Variants in ZNF26 observed in about 807,000 individuals in gnomAD.
ZNF26 encodes the protein zinc finger protein 26, also known as epididymis luminal protein 179.
A neutral mutation model predicts 54.9 loss-of-function variants in ZNF26; 32 were observed. The ratio of observed to expected loss-of-function variants is 0.58; its 90% CI spans 0.44 to 0.78. The LOEUF (loss-of-function observed/expected upper bound fraction) is 0.78, where lower values mean the gene tolerates loss of function less well. ZNF26 is among the 30% of genes least tolerant of loss of function. ZNF26 has a pLI of 0.00. For missense variants in ZNF26, 524 were observed against 634.0 expected, an observed-to-expected ratio of 0.83 and a Z score of 1.86; for synonymous variants, 221 against 209.2, an observed-to-expected ratio of 1.06 and a Z score of -0.49.
In ZNF26 at chr12:133,026,783, TC is replaced by T. The variant is rs1953711235; in HGVS notation, c.*15305del. The T allele has an allele frequency of 6.6e-6, 1 of 152,144 alleles. No individual in the cohort carries two copies. Among genetic ancestry groups the T allele is most frequent in the African/African-American group, 2.4e-5 (1 of 41,418 alleles). 9.4% of individuals were successfully genotyped at this position (152,144 alleles called of 1,614,324 possible). ...CTCAGGTGATCTGCCCGCCTTGGCC[TC>T]CCAAAGTGCTGGGATTACAGGCATG... is the stretch of plus-strand genomic sequence containing the variant. On this transcript the variant is annotated 3_prime_UTR_variant, in exon 4 of 4. Coordinates refer to ENST00000328654, the MANE Select transcript of ZNF26 (RefSeq NM_019591.4).
At position 133,010,763 on chromosome 12, in the gene ZNF26, T is replaced by C; in HGVS notation, c.884T>C (p.Phe295Ser). 1.2e-6 allele frequency: 2 copies of C among 1,613,592 alleles called. No homozygotes were observed. Among genetic ancestry groups the C allele is most frequent in the Non-Finnish European group, 1.7e-6 (2 of 1,179,668 alleles). The change falls in exon 4 of 4, where the codon TTT becomes TCT. Residue 295 changes from phenylalanine (F) to serine (S), a missense_variant. Physicochemically the swap from Phe to Ser is radical, Grantham distance 155. Coordinates refer to ENST00000328654, the MANE Select transcript of ZNF26 (RefSeq NM_019591.4). ...PYECSECGKA[F>S]SLKSPFVVHQ... is the part of the protein sequence containing the mutation. ...GAATGCAGCGAATGTGGGAAAGCCT[T>C]TAGTTTGAAGTCTCCATTCGTTGTA...
In ZNF26 at chr12:133,007,086, T is replaced by C; in HGVS notation, c.78T>C (p.Asp26=). 6.2e-7 allele frequency: 1 copy of C among 1,614,112 alleles called. No individual in the cohort carries two copies. Among genetic ancestry groups the C allele is most frequent in the Non-Finnish European group, 8.5e-7 (1 of 1,179,986 alleles). Residue 26 remains aspartate, a synonymous_variant, in exon 2 of 4, where the codon GAT becomes GAC. Coordinates refer to ENST00000328654, the MANE Select transcript of ZNF26 (RefSeq NM_019591.4). The part of the protein sequence containing the change: ...FKDISMEFTW[D]EWQLLDSTQK... ...ATATATCTATGGAGTTCACCTGGGA[T>C]GAATGGCAGCTACTGGATTCTACAC...
intron 1 of ZNF26, chr12:133,004,953 A>G (rs1404548479): frequency 1.3e-5 from 2 of 152,040 alleles, no homozygotes; most frequent in African/African-American, 4.8e-5. Flanking sequence ...GTTGGTTATC[A>G]GGTGTTCTCT....
intron 1 of ZNF26, 73 bp from the exon 2 acceptor site, chr12:133,006,969 C>T (rs947269080): frequency 1.6e-5 from 25 of 1,529,950 alleles, no homozygotes; most frequent in African/African-American, 4.1e-5. Context: ...TTATCCCTTC[C>T]CAGTTCCTCT....
rs1246668075 is a variant in ZNF26 at position 133,002,957 on chromosome 12, A to C, written c.34-4085A>C. 3.3e-5 allele frequency among the ~76,000 whole-genome samples: 5 copies of C among 152,080 alleles called. No individual in the cohort carries two copies. The East Asian group carries it at 9.7e-4, about 30-fold the overall frequency. ...GTTAAGAGTACCTAGCACCCCTGGC[A>C]TGTTAGGTAGTCATGTGTTGGCTGA... On this transcript the variant is annotated intron_variant, in intron 1 of 3. Coordinates refer to ENST00000328654, the MANE Select transcript of ZNF26 (RefSeq NM_019591.4).
Position 133,011,496 on chromosome 12 carries a change from GCA to G in ZNF26, c.*16_*17del. 1.3e-6 allele frequency: 2 copies of G among 1,524,052 alleles called. No homozygotes were observed. Among genetic ancestry groups the G allele is most frequent in the East Asian group, 4.5e-5 (2 of 44,102 alleles). The allele number at this position is 1,524,052 out of a possible 1,614,324, so 94.4% of individuals were successfully genotyped here. A position where few individuals can be genotyped will look rare whatever the true frequency, so the allele number is the denominator to read the frequency against. Reference sequence around the variant, plus strand: ...CTCATAAATGAGAAATCAGAATGATGCAATGTGAGAAACTGATGTTCAGGAGA... The same window carrying G: ...CTCATAAATGAGAAATCAGAATGATGATGTGAGAAACTGATGTTCAGGAGA... On this transcript the variant is annotated 3_prime_UTR_variant, in exon 4 of 4. Coordinates refer to ENST00000328654, the MANE Select transcript of ZNF26 (RefSeq NM_019591.4).
At chr12:133,000,118 G>C (rs1953178183) in intron 1 of ZNF26, among the ~76,000 whole-genome samples, 2 of 151,920 alleles carry the variant, frequency 1.3e-5, no homozygotes, top group South Asian at 4.2e-4. Flanking sequence ...ATAATCTCTT[G>C]TGAAATTTTA....
At position 133,010,218 on chromosome 12, in the gene ZNF26, A is replaced by T; in HGVS notation, c.339A>T (p.Arg113Ser). Reference sequence around the variant, plus strand: ...GCTATGCTTGTAGTGTGTTGGGAAGACTTAATCTGAGCAAAACCCATGATT... The same window carrying T: ...GCTATGCTTGTAGTGTGTTGGGAAGTCTTAATCTGAGCAAAACCCATGATT... ...ERSYACSVLGRLNLSKTHDSS... is the reference protein window; with the variant it reads ...ERSYACSVLGSLNLSKTHDSS... The change falls in exon 4 of 4, where the codon AGA becomes AGT. Residue 113 changes from arginine (R) to serine (S), a missense_variant. Transcript: ENST00000328654. 6.2e-7 allele frequency: 1 copy of T among 1,614,090 alleles called. No homozygotes were observed. The highest frequency in any genetic ancestry group is 8.5e-7 in the Non-Finnish European group (1 of 1,179,998).
intron 1 of ZNF26, among the ~76,000 whole-genome samples, chr12:132,999,241 C>T (rs888349918): frequency 8.5e-4 from 130 of 152,300 alleles, no homozygotes; most frequent in Non-Finnish European, 1.2e-4. Flanking sequence ...TCAGCCGATT[C>T]TCTTAGTTTT....
Position 133,011,568 on chromosome 12 carries a change from T to TC in ZNF26, c.*87_*88insC. 7 of 1,357,558 alleles carry TC rather than the reference T, an allele frequency of 5.2e-6. No homozygotes were observed. In the South Asian group the frequency reaches 8.9e-5, roughly 17 times the overall value. 84.1% of individuals were successfully genotyped at this position (1,357,558 alleles called of 1,614,324 possible). A position where few individuals can be genotyped will look rare whatever the true frequency, so the allele number is the denominator to read the frequency against. On this transcript the variant is annotated 3_prime_UTR_variant, in exon 4 of 4. Transcript: ENST00000328654. ...GATTTACAAGCAGGAGGCCCTAAAA[T>TC]TACACTCATGTCAAAAATCAGAGAG...
rs1054723826 is a variant in ZNF26 at position 133,015,843 on chromosome 12, A to C, written c.*4362A>C. The C allele has an allele frequency of 2.6e-5, 4 of 152,224 alleles. No homozygotes were observed. Among genetic ancestry groups the C allele is most frequent in the African/African-American group, 9.6e-5 (4 of 41,464 alleles). 9.4% of individuals were successfully genotyped at this position (152,224 alleles called of 1,614,324 possible). ...TGAGACAGTTGGAAATATTACTTCT[A>C]CTGGCAAATAAAAGTGCTTCAAGCA... is the stretch of plus-strand genomic sequence containing the variant. On this transcript the variant is annotated 3_prime_UTR_variant, in exon 4 of 4. Transcript: ENST00000328654.
At chr12:132,997,951 G>A (rs931458613) in intron 1 of ZNF26, among the ~76,000 whole-genome samples, 3 of 152,090 alleles carry the variant, frequency 2.0e-5, no homozygotes, top group African/African-American at 4.8e-5. Flanking sequence ...CAAATTATAG[G>A]CAAATAATAA....
At position 133,017,255 on chromosome 12, in the gene ZNF26, T is replaced by C. The variant is rs1271950072; in HGVS notation, c.*5774T>C. The C allele has an allele frequency of 6.6e-6, 1 of 152,172 alleles. No individual in the cohort carries two copies. Among genetic ancestry groups the C allele is most frequent in the Non-Finnish European group, 1.5e-5 (1 of 68,036 alleles). 9.4% of individuals were successfully genotyped at this position (152,172 alleles called of 1,614,324 possible). ...CTGATTATCCCACATGGCAGGGCAT[T>C]AGACAAGGAGACCCACTTTACCACA... On this transcript the variant is annotated 3_prime_UTR_variant, in exon 4 of 4. Transcript: ENST00000328654.
In ZNF26 at chr12:133,021,479, T is replaced by C. The variant is rs1209468003; in HGVS notation, c.*9998T>C. The C allele has an allele frequency of 1.3e-5, 2 of 151,266 alleles. No individual in the cohort carries two copies. The highest frequency in any genetic ancestry group is 2.9e-5 in the Non-Finnish European group (2 of 67,850). The allele number at this position is 151,266 out of a possible 1,614,324, so 9.4% of individuals were successfully genotyped here. ...GCTTATACATTTCAAGAAAAACATT[T>C]ATTTGGCCGGGCATGGTGGCTCACA... On this transcript the variant is annotated 3_prime_UTR_variant, in exon 4 of 4. Transcript: ENST00000328654.
chr12:133,006,120 T>G, intron 1 of ZNF26: 1 of 985,364 alleles, frequency 1.0e-6, no homozygotes, highest in Non-Finnish European at 1.2e-6. Context: ...TGCTGTTCCC[T>G]CCCAGCCCCC....
intron 1 of ZNF26, among the ~76,000 whole-genome samples, chr12:132,999,446 G>A (rs1953163843): frequency 6.6e-6 from 1 of 151,912 alleles, no homozygotes; most frequent in Non-Finnish European, 1.5e-5. Context: ...TAGTAGAGGT[G>A]GGGTTTCACT....
At position 133,011,656 on chromosome 12, in the gene ZNF26, G is replaced by T; in HGVS notation, c.*175G>T. On this transcript the variant is annotated 3_prime_UTR_variant, in exon 4 of 4. Transcript: ENST00000328654. Reference sequence around the variant, plus strand: ...TTTCAGAAATAAGTTACAAATCTTTGTAGATGAAAATAATGGAAGGAATGT... The same window carrying T: ...TTTCAGAAATAAGTTACAAATCTTTTTAGATGAAAATAATGGAAGGAATGT... The T allele has an allele frequency of 2.0e-6, 1 of 505,762 alleles. No homozygotes were observed. The highest frequency in any genetic ancestry group is 3.2e-6 in the Non-Finnish European group (1 of 308,098). The allele number at this position is 505,762 out of a possible 1,614,324, so 31.3% of individuals were successfully genotyped here.
rs975493703 is a variant in ZNF26 at position 133,001,366 on chromosome 12, C to T, written c.34-5676C>T. Reference sequence around the variant, plus strand: ...GAGATGGAGGAGGCTTGTCTGTATTCCCACTTCATTTACTTGTTGCCCTCC... The same window carrying T: ...GAGATGGAGGAGGCTTGTCTGTATTTCCACTTCATTTACTTGTTGCCCTCC... On this transcript the variant is annotated intron_variant, in intron 1 of 3. Transcript: ENST00000328654. This position sits in a 1 kb window ranked among gnomAD's most constrained non-coding sequence, Gnocchi z 4.7. Among the ~76,000 whole-genome samples, 29 of 152,160 alleles carry T rather than the reference C, an allele frequency of 1.9e-4. No individual in the cohort carries two copies. The highest frequency in any genetic ancestry group is 6.3e-4 in the African/African-American group (26 of 41,436).
intron 1 of ZNF26, among the ~76,000 whole-genome samples, chr12:132,999,784 C>G (rs1045423684): frequency 6.6e-6 from 1 of 151,978 alleles, no homozygotes; most frequent in Non-Finnish European, 1.5e-5. Context: ...ACCTCCACCT[C>G]CTGGGTTCAA....
Sources: gnomAD v4.1 joint callset for allele counts (sites outside exome capture counted in the v4.1 genomes callset) on GRCh38, gnomAD v4.1.1 for gene constraint, Gnocchi (gnomAD v3.1) non-coding constraint, MANE v1.5 for transcripts, NCBI Gene and HGNC (gene_info 2026-07-23, HGNC 2026-07-21) for gene names.